ASPSCR1: variants seen among roughly 807,000 people sequenced by gnomAD.
ASPSCR1 encodes tether containing UBX domain for GLUT4.
ASPSCR1 carries 55 observed loss-of-function variants against 68.9 expected under a neutral mutation model. The observed-to-expected ratio is 0.80, with a 90% CI of 0.64 to 1.00. ASPSCR1 has a LOEUF of 1.00. Ranked by LOEUF, ASPSCR1 falls within the 50% of genes least tolerant of loss-of-function variation. The probability of loss-of-function intolerance (pLI) is 0.00; values close to 1 mark genes in which losing one functional copy is unlikely to be tolerated. For synonymous variants in ASPSCR1, 352 were observed against 332.6 expected (o/e 1.06, Z -0.63); for missense variants, 765 against 762.2 (o/e 1.00, Z -0.04).
chr17:82,003,583 G>T (rs1365363092), intron 7 of ASPSCR1, among the ~76,000 whole-genome samples: 1 of 152,260 alleles, frequency 6.6e-6, no homozygotes, highest in Non-Finnish European at 1.5e-5. Flanking sequence ...TCTCCTCTGG[G>T]TGGGATTCGA....
At chr17:82,011,647 G>C in intron 11 of ASPSCR1, 42 bp downstream of exon 11, 1 of 1,593,482 alleles carries the variant, frequency 6.3e-7, no homozygotes, top group East Asian at 2.3e-5. Context: ...TCCAGTGCTC[G>C]GGGCCTTGGT....
At position 81,983,435 on chromosome 17, in the gene ASPSCR1, A is replaced by ACGTGGATGGCGGGG. The variant is rs905990136; in HGVS notation, c.159-95_159-82dup. The ACGTGGATGGCGGGG allele has an allele frequency of 4.7e-5, 38 of 801,026 alleles. No homozygotes were observed. Among genetic ancestry groups the ACGTGGATGGCGGGG allele is most frequent in the South Asian group, 3.1e-4 (19 of 61,030 alleles). 49.6% of individuals were successfully genotyped at this position (801,026 alleles called of 1,614,324 possible). On this transcript the variant is annotated intron_variant, in intron 2 of 15. Transcript: ENST00000306739. This position sits in a 1 kb window ranked among gnomAD's most constrained non-coding sequence, Gnocchi z 4.4. ...CCCGCTGTTGGGGAGCTGCCACAGG[A>ACGTGGATGGCGGGG]CGTGGATGGCGGGGCGTGGATGGCG...
intron 15 of ASPSCR1, 60 bp from the exon 16 acceptor site, chr17:82,017,249 C>T (rs1007773783): frequency 9.4e-6 from 15 of 1,603,874 alleles, no homozygotes; most frequent in East Asian, 6.7e-5. Flanking sequence ...GGCTGGTGGG[C>T]GGGTGGCCGG....
intron 4 of ASPSCR1, among the ~76,000 whole-genome samples, chr17:81,989,318 G>A (rs950215412): frequency 6.6e-6 from 1 of 152,238 alleles, no homozygotes; most frequent in Non-Finnish European, 1.5e-5. Context: ...AGTGGGTGGC[G>A]TTGCCAGCCC....
Position 81,977,876 on chromosome 17 carries a change from C to CTG in ASPSCR1, c.102+128_102+129insTG. ...GGCGGCCAATGAGCGGCCTCCTGAGCGGCGGCCCCGCCCCCTGCTCGCCGT... is the reference window on the plus strand; with the variant it reads ...GGCGGCCAATGAGCGGCCTCCTGAGCTGGGCGGCCCCGCCCCCTGCTCGCCGT... On this transcript the variant is annotated intron_variant, in intron 1 of 15. Transcript: ENST00000306739. The surrounding 1 kb of genome is among the most constrained non-coding windows in gnomAD (Gnocchi z 5.0). The CTG allele has an allele frequency of 3.2e-6, 2 of 618,942 alleles. No homozygotes were observed. Among genetic ancestry groups the CTG allele is most frequent in the South Asian group, 1.6e-4 (2 of 12,282 alleles). The allele number at this position is 618,942 out of a possible 1,614,324, so 38.3% of individuals were successfully genotyped here.
At chr17:82,011,424 C>T in intron 10 of ASPSCR1, 119 bp from the exon 11 acceptor site, 2 of 975,730 alleles carry the variant, frequency 2.0e-6, no homozygotes, top group South Asian at 3.3e-5. Context: ...AGGAACAGGG[C>T]TGAATTCCCA....
chr17:81,997,568 G>A (rs7214612), intron 7 of ASPSCR1, among the ~76,000 whole-genome samples: 17,534 of 147,260 alleles, frequency 0.12, 1,645 homozygotes, highest in African/African-American at 0.26. Context: ...GCTCACTGCA[G>A]CCTCTGCCAC....
intron 3 of ASPSCR1, among the ~76,000 whole-genome samples, chr17:81,984,712 C>G (rs955800879): frequency 6.6e-6 from 1 of 151,930 alleles, no homozygotes; most frequent in Non-Finnish European, 1.5e-5. Context: ...TCTTTTGAAG[C>G]CCCCACTGGG....
chr17:81,998,117 G>A (rs2042415311), intron 7 of ASPSCR1, among the ~76,000 whole-genome samples: 1 of 151,968 alleles, frequency 6.6e-6, no homozygotes, highest in Non-Finnish European at 1.5e-5. Flanking sequence ...TTGAGCCACC[G>A]CGCCCAGCCT....
At chr17:81,993,247 T>C (rs1236735441) in intron 4 of ASPSCR1, among the ~76,000 whole-genome samples, 3 of 152,090 alleles carry the variant, frequency 2.0e-5, no homozygotes, top group Non-Finnish European at 4.4e-5. Context: ...GGAGTCTCGC[T>C]CTGTCGCCCA....
chr17:81,979,328 A>T, intron 2 of ASPSCR1, 89 bp downstream of exon 2: 4 of 1,473,700 alleles, frequency 2.7e-6, no homozygotes, highest in Non-Finnish European at 3.8e-6. Flanking sequence ...AAAAGCCCCC[A>T]GGTGGTTTTA....
At chr17:82,001,480 G>C (rs563572160) in intron 7 of ASPSCR1, among the ~76,000 whole-genome samples, 34 of 152,302 alleles carry the variant, frequency 2.2e-4, no homozygotes, top group Non-Finnish European at 3.7e-4. Flanking sequence ...TGGCCACCAA[G>C]CGTGGCTGGC....
Position 81,981,345 on chromosome 17 carries a change from T to TG in ASPSCR1, c.158+2114dup, listed in dbSNP as rs372553777. ...CCAAGAGGAGGCTGGTTCAGTTGGT[T>TG]GGGGGGGGCTTAGGGTTTCATTTTT... On this transcript the variant is annotated intron_variant, in intron 2 of 15. Coordinates refer to ENST00000306739, the MANE Select transcript of ASPSCR1 (RefSeq NM_024083.4). 2.5e-3 allele frequency among the ~76,000 whole-genome samples: 372 copies of TG among 151,806 alleles called. 3 individuals are homozygous for TG. The highest frequency in any genetic ancestry group is 7.8e-3 in the African/African-American group (325 of 41,402).
At chr17:82,012,539 G>A (rs1055707850) in intron 12 of ASPSCR1, among the ~76,000 whole-genome samples, 5 of 152,106 alleles carry the variant, frequency 3.3e-5, no homozygotes, top group Admixed American at 6.5e-5. Flanking sequence ...AACTGAGGCC[G>A]CTTGGAGGTC....
chr17:81,991,499 G>A (rs559802195), intron 4 of ASPSCR1, among the ~76,000 whole-genome samples: 89 of 152,314 alleles, frequency 5.8e-4, no homozygotes, highest in African/African-American at 1.7e-3. Context: ...CCACACTCAG[G>A]GTGGGTCTGT....
chr17:81,998,351 A>C (rs981729402), intron 7 of ASPSCR1, among the ~76,000 whole-genome samples: 63 of 152,256 alleles, frequency 4.1e-4, no homozygotes, highest in African/African-American at 1.4e-3. Flanking sequence ...TGCTAGTTCT[A>C]GTGGCGTCTT....
intron 4 of ASPSCR1, among the ~76,000 whole-genome samples, chr17:81,989,471 G>A (rs1338938112): frequency 3.3e-5 from 5 of 152,202 alleles, no homozygotes; most frequent in South Asian, 2.1e-4. Flanking sequence ...CCAGGTGTCC[G>A]CAGAGTGGGA....
At position 81,986,300 on chromosome 17, in the gene ASPSCR1, T is replaced by A. The variant is rs2041991784; in HGVS notation, c.374+693T>A. On this transcript the variant is annotated intron_variant, in intron 4 of 15. Transcript: ENST00000306739. The surrounding 1 kb of genome is among the most constrained non-coding windows in gnomAD (Gnocchi z 5.2). The stretch of plus-strand genomic sequence containing the variant: ...TTAGGCCAGGCATAGTGCATGGTGG[T>A]GCGTGCCTGTGGTCCCAGCTATGCC... Among the ~76,000 whole-genome samples, 1 of 152,080 alleles carries A rather than the reference T, an allele frequency of 6.6e-6. No homozygotes were observed. Among genetic ancestry groups the A allele is most frequent in the Non-Finnish European group, 1.5e-5 (1 of 68,032 alleles).
intron 7 of ASPSCR1, chr17:82,005,839 G>T (rs751219833): frequency 6.6e-6 from 1 of 152,326 alleles, no homozygotes; most frequent in Non-Finnish European, 1.5e-5. Context: ...CAGCCCCAGC[G>T]TGACCGTGTG....
Sources: allele counts gnomAD v4.1 joint callset (sites outside exome capture counted in the v4.1 genomes callset), GRCh38; gene constraint gnomAD v4.1.1; non-coding constraint Gnocchi (gnomAD v3.1); transcripts MANE v1.5; gene names NCBI Gene and HGNC (gene_info 2026-07-23, HGNC 2026-07-21).